ERG: variants seen among roughly 807,000 people sequenced by gnomAD.
ERG encodes the protein ETS transcription factor ERG.
In ERG, 9 loss-of-function variants were observed where a neutral mutation model predicts 55.3. The observed-to-expected ratio is 0.16, with a 90% confidence interval of 0.10 to 0.28. ERG has a LOEUF of 0.28. Ranked by LOEUF, ERG falls within the 10% of genes least tolerant of loss-of-function variation. ERG has a pLI of 1.00. For synonymous variants in ERG, 223 were observed against 237.3 expected (o/e 0.94, Z 0.55); for missense variants, 434 against 631.6 (o/e 0.69, Z 3.35).
At chr21:38,597,800 C>T (rs1328160848) in intron 1 of ERG, among the ~76,000 whole-genome samples, 1 of 152,052 alleles carries the variant, frequency 6.6e-6, no homozygotes, top group Non-Finnish European at 1.5e-5. Context: ...TGAATGTGCA[C>T]AGAGTAAATT....
chr21:38,654,130 T>A (rs1223317317), intron 1 of ERG, among the ~76,000 whole-genome samples: 2 of 152,250 alleles, frequency 1.3e-5, no homozygotes, highest in African/African-American at 4.8e-5. Context: ...AAAAATATAT[T>A]CAGTTTCATT....
intron 1 of ERG, among the ~76,000 whole-genome samples, chr21:38,458,988 G>C (rs2146591041): frequency 6.6e-6 from 1 of 152,022 alleles, no homozygotes; most frequent in South Asian, 2.1e-4. Context: ...TCTTTTCTTT[G>C]GCTTCCATAT....
chr21:38,402,935 T>C (rs543085552), intron 4 of ERG, among the ~76,000 whole-genome samples: 1 of 152,268 alleles, frequency 6.6e-6, no homozygotes, highest in East Asian at 1.9e-4. Context: ...TCACACTACT[T>C]CCTTCTCACC....
At chr21:38,573,755 G>A (rs963888512) in intron 2 of ERG, among the ~76,000 whole-genome samples, 4 of 152,190 alleles carry the variant, frequency 2.6e-5, no homozygotes, top group Admixed American at 6.5e-5. Flanking sequence ...TTGGTATGCT[G>A]AGCGCCGGTC....
chr21:38,635,653 T>C (rs1459297457), intron 1 of ERG, among the ~76,000 whole-genome samples: 2 of 152,194 alleles, frequency 1.3e-5, no homozygotes, highest in South Asian at 2.1e-4. Context: ...TAAAGCACAA[T>C]TATTGAGCAT....
At chr21:38,547,263 A>G (rs2059793529) in intron 2 of ERG, among the ~76,000 whole-genome samples, 1 of 152,168 alleles carries the variant, frequency 6.6e-6, no homozygotes, top group Non-Finnish European at 1.5e-5. Context: ...TGTTGCAGCT[A>G]TGGATTTATT....
chr21:38,614,836 C>T (rs2146934007), intron 1 of ERG, among the ~76,000 whole-genome samples: 1 of 152,276 alleles, frequency 6.6e-6, no homozygotes, highest in East Asian at 1.9e-4. Flanking sequence ...ATATCCTGTC[C>T]CAAGGCCAAG....
chr21:38,465,823 G>A (rs1335144414), intron 1 of ERG, among the ~76,000 whole-genome samples: 2 of 152,176 alleles, frequency 1.3e-5, no homozygotes, highest in African/African-American at 4.8e-5. Flanking sequence ...CTCCGATACT[G>A]AATATGTCAC....
At chr21:38,453,882 CAAAA>C (rs3065380) in intron 1 of ERG, among the ~76,000 whole-genome samples, 6 of 129,864 alleles carry the variant, frequency 4.6e-5, no homozygotes, top group Admixed American at 3.2e-4. Context: ...AAAACTCCAT[CAAAA>C]AAAAAAAAAA....
chr21:38,456,827 G>C (rs1001666037), intron 1 of ERG, among the ~76,000 whole-genome samples: 3 of 152,106 alleles, frequency 2.0e-5, no homozygotes, highest in Admixed American at 1.3e-4. Context: ...AATATATCCT[G>C]GTTGCTGCAT....
chr21:38,405,458 G>A (rs916387856), intron 3 of ERG, among the ~76,000 whole-genome samples: 8 of 152,006 alleles, frequency 5.3e-5, no homozygotes, highest in African/African-American at 1.9e-4. Context: ...GAATCATCTG[G>A]GGAGACTGAA....
intron 1 of ERG, among the ~76,000 whole-genome samples, chr21:38,474,712 C>T (rs1232247022): frequency 5.0e-5 from 7 of 140,040 alleles, no homozygotes; most frequent in African/African-American, 1.3e-4. Flanking sequence ...CAAACAAATA[C>T]GGTGAAAGAC....
At chr21:38,412,048 T>C (rs1989082816) in intron 3 of ERG, among the ~76,000 whole-genome samples, 1 of 152,194 alleles carries the variant, frequency 6.6e-6, no homozygotes, top group Non-Finnish European at 1.5e-5. Flanking sequence ...CACTAGCGTA[T>C]CTTATTCTGT....
intron 1 of ERG, among the ~76,000 whole-genome samples, chr21:38,493,346 G>C (rs945684342): frequency 6.6e-6 from 1 of 152,116 alleles, no homozygotes; most frequent in Admixed American, 6.5e-5. Context: ...ATGGGAAAAT[G>C]CTTGTAAAAC....
rs1305244198 is a variant in ERG, at chr21:38,403,657, C to T, written c.441G>A (p.Val147=). The change falls in exon 4 of 10, where the codon GTG becomes GTA. Residue 147 remains valine, a synonymous_variant. Transcript: ENST00000288319. ...DHVRQWLEWA[V]KEYGLPDVNI... Reference sequence around the variant, plus strand: ...TGACGTCTGGAAGGCCATATTCTTTCACCGCCCACTCCAGCCACTGCCGCA... The same window carrying T: ...TGACGTCTGGAAGGCCATATTCTTTTACCGCCCACTCCAGCCACTGCCGCA... The T allele has an allele frequency of 4.3e-6, 7 of 1,614,042 alleles. No homozygotes were observed. Among genetic ancestry groups the T allele is most frequent in the Non-Finnish European group, 5.1e-6 (6 of 1,180,034 alleles).
intron 1 of ERG, among the ~76,000 whole-genome samples, chr21:38,639,336 A>G (rs2060409468): frequency 6.6e-6 from 1 of 151,954 alleles, no homozygotes; most frequent in South Asian, 2.1e-4. Context: ...ACGAAGAAAA[A>G]ATGTGGAGCA....
At chr21:38,502,165 C>G (rs1029459004), upstream of ERG, among the ~76,000 whole-genome samples, 3 of 152,228 alleles carry the variant, frequency 2.0e-5, no homozygotes, top group East Asian at 3.9e-4. Flanking sequence ...TCATTCACGT[C>G]TTTATCCCTG....
intron 2 of ERG, among the ~76,000 whole-genome samples, chr21:38,520,744 A>C (rs2059588667): frequency 6.6e-6 from 1 of 152,222 alleles, no homozygotes; most frequent in African/African-American, 2.4e-5. Context: ...GAGAGCACGA[A>C]AAAAGAACAA....
chr21:38,401,192 G>T (rs1988472933), intron 5 of ERG, among the ~76,000 whole-genome samples: 1 of 152,038 alleles, frequency 6.6e-6, no homozygotes, highest in African/African-American at 2.4e-5. Context: ...CAGTCCATTT[G>T]GAATTTGTTG....
Sources: allele counts gnomAD v4.1 joint callset (sites outside exome capture counted in the v4.1 genomes callset), GRCh38; gene constraint gnomAD v4.1.1; transcripts MANE v1.5; gene names NCBI Gene and HGNC (gene_info 2026-07-23, HGNC 2026-07-21).